Variants in EPSTI1 observed in about 807,000 individuals in gnomAD.
The protein encoded by EPSTI1 is epithelial stromal interaction 1, also known as epithelial-stromal interaction protein 1.
In EPSTI1, 66 loss-of-function variants were observed where a neutral mutation model predicts 49.9. That is an observed-to-expected ratio of 1.32 (90% confidence interval 1.08 to 1.62). The LOEUF is 1.62. Among genes scored for constraint, EPSTI1 ranks in the 40% most tolerant of loss-of-function variants. The probability of loss-of-function intolerance (pLI) is 0.00; values close to 1 mark genes in which losing one functional copy is unlikely to be tolerated. For synonymous variants in EPSTI1, 137 were observed against 130.7 expected, an observed-to-expected ratio of 1.05 and a Z score of -0.33; for missense variants, 394 against 365.5, an observed-to-expected ratio of 1.08 and a Z score of -0.64.
chr13:42,944,895 G>A (rs777649852), intron 6 of EPSTI1, among the ~76,000 whole-genome samples: 29 of 152,144 alleles, frequency 1.9e-4, no homozygotes, highest in Non-Finnish European at 3.1e-4. Flanking sequence ...TGGCTAATAT[G>A]AGTGACTTCT....
intron 4 of EPSTI1, chr13:42,963,568 A>G: frequency 1.8e-6 from 1 of 541,176 alleles, no homozygotes; most frequent in East Asian, 3.2e-5. Flanking sequence ...CTCTTTTTCA[A>G]CGTCTCTGTC....
At chr13:42,893,229 T>C (rs2037089435) in intron 10 of EPSTI1, among the ~76,000 whole-genome samples, 1 of 152,214 alleles carries the variant, frequency 6.6e-6, no homozygotes, top group Non-Finnish European at 1.5e-5. Flanking sequence ...AGAATTTATG[T>C]TGATTTATGT....
At chr13:42,945,265 T>C (rs967111445) in intron 6 of EPSTI1, among the ~76,000 whole-genome samples, 3 of 152,110 alleles carry the variant, frequency 2.0e-5, no homozygotes, top group Non-Finnish European at 4.4e-5. Context: ...CTTTATAAAA[T>C]CACCAGATCT....
chr13:42,988,718 G>A (rs528419373), intron 1 of EPSTI1, among the ~76,000 whole-genome samples: 30 of 143,742 alleles, frequency 2.1e-4, no homozygotes, highest in African/African-American at 7.2e-4. Flanking sequence ...GCGACAGAGC[G>A]AGACTCTGTC....
At chr13:42,919,796 A>G (rs1594647253) in intron 7 of EPSTI1, among the ~76,000 whole-genome samples, 1 of 152,252 alleles carries the variant, frequency 6.6e-6, no homozygotes, top group African/African-American at 2.4e-5. Context: ...AGAGCATCAC[A>G]TGAGCAAATG....
At chr13:42,956,009 G>C (rs1408918374) in intron 5 of EPSTI1, among the ~76,000 whole-genome samples, 1 of 152,074 alleles carries the variant, frequency 6.6e-6, no homozygotes, top group Non-Finnish European at 1.5e-5. Context: ...TACGAACAGA[G>C]AAGTGCCCAT....
chr13:42,891,171 A>G (rs1281961862), intron 10 of EPSTI1, among the ~76,000 whole-genome samples: 3 of 152,156 alleles, frequency 2.0e-5, no homozygotes, highest in Non-Finnish European at 4.4e-5. Context: ...ATCTATGTTT[A>G]TGAGTGATAG....
chr13:42,905,869 A>T (rs2037483489), intron 8 of EPSTI1, among the ~76,000 whole-genome samples: 1 of 152,194 alleles, frequency 6.6e-6, no homozygotes, highest in African/African-American at 2.4e-5. Flanking sequence ...CAAACAGGAG[A>T]AGGGTGTTCA....
intron 6 of EPSTI1, among the ~76,000 whole-genome samples, chr13:42,941,713 G>A (rs760361398): frequency 6.6e-6 from 1 of 150,686 alleles, no homozygotes; most frequent in Non-Finnish European, 1.5e-5. Flanking sequence ...CAAGGACTGT[G>A]GCTTTCTAGG....
chr13:42,926,493 C>T (rs2038184516), intron 6 of EPSTI1, 64 bp from the exon 7 acceptor site: 4 of 902,884 alleles, frequency 4.4e-6, no homozygotes, highest in Non-Finnish European at 7.5e-6. Context: ...CTTTATTTTT[C>T]CTTTGGATAC....
intron 9 of EPSTI1, among the ~76,000 whole-genome samples, chr13:42,897,726 G>T (rs531947791): frequency 4.8e-4 from 73 of 152,330 alleles, no homozygotes; most frequent in Admixed American, 1.3e-3. Context: ...GATACTATAG[G>T]AGTGTCCTCA....
intron 9 of EPSTI1, among the ~76,000 whole-genome samples, chr13:42,897,498 T>G (rs1414808143): frequency 6.6e-6 from 1 of 152,188 alleles, no homozygotes; most frequent in African/African-American, 2.4e-5. Context: ...AGCCTGATAA[T>G]GTAGTTACTG....
chr13:42,899,150 A>T (rs59793675), intron 9 of EPSTI1, among the ~76,000 whole-genome samples: 5,513 of 151,634 alleles, frequency 0.036, 126 homozygotes, highest in East Asian at 0.1. Context: ...GTGAGCCGAG[A>T]TCCTGCCACC....
intron 5 of EPSTI1, 43 bp downstream of exon 5, chr13:42,963,211 TA>T: frequency 2.0e-6 from 3 of 1,490,028 alleles, no homozygotes; most frequent in Non-Finnish European, 2.8e-6. Flanking sequence ...AACGAAACTA[TA>T]ATTGTTGATC....
chr13:42,981,135 A>T (rs2039980285), intron 1 of EPSTI1, among the ~76,000 whole-genome samples: 1 of 152,146 alleles, frequency 6.6e-6, no homozygotes. Flanking sequence ...GGGGACAGGG[A>T]ATTACAAACA....
chr13:42,941,083 G>A (rs908095714), intron 6 of EPSTI1, among the ~76,000 whole-genome samples: 1 of 151,896 alleles, frequency 6.6e-6, no homozygotes, highest in Non-Finnish European at 1.5e-5. Flanking sequence ...TAAAGCTATG[G>A]TCTCTCTTTA....
At position 42,954,538 on chromosome 13, in the gene EPSTI1, T is replaced by TA. The variant is rs560120462; in HGVS notation, c.490-518dup. On this transcript the variant is annotated intron_variant, in intron 5 of 10. Coordinates refer to ENST00000313624, the MANE Select transcript of EPSTI1 (RefSeq NM_033255.5). Reference sequence around the variant, plus strand: ...TTGAGGGACTGAATAGCACATGTCATAAAAAAAGCCATCCACTTGAATAGA... The same window carrying TA: ...TTGAGGGACTGAATAGCACATGTCATAAAAAAAAGCCATCCACTTGAATAGA... Among the ~76,000 whole-genome samples the TA allele has an allele frequency of 2.0e-3, 311 of 151,852 alleles. 1 individual carries two copies. The highest frequency in any genetic ancestry group is 2.9e-3 in the Non-Finnish European group (199 of 67,968).
intron 3 of EPSTI1, 97 bp from the exon 4 acceptor site, chr13:42,964,236 G>T: frequency 2.3e-6 from 2 of 886,424 alleles, no homozygotes; most frequent in Non-Finnish European, 3.4e-6. Flanking sequence ...TATAACATGA[G>T]TTCCCTTAAC....
intron 1 of EPSTI1, 62 bp downstream of exon 1, chr13:42,991,916 T>C (rs2040201170): frequency 1.3e-6 from 2 of 1,588,070 alleles, no homozygotes; most frequent in Non-Finnish European, 1.7e-6. Context: ...CCAAGGTGCT[T>C]GTGAGTGAGT....
Sources: gnomAD v4.1 joint callset for allele counts (sites outside exome capture counted in the v4.1 genomes callset) on GRCh38, gnomAD v4.1.1 for gene constraint, MANE v1.5 for transcripts, NCBI Gene and HGNC (gene_info 2026-07-23, HGNC 2026-07-21) for gene names.